Variants in IFT74 observed in about 807,000 individuals in gnomAD.
IFT74 encodes intraflagellar transport 74, also known as intraflagellar transport protein 74 homolog.
A neutral mutation model predicts 96.7 loss-of-function variants in IFT74; 92 were observed. The ratio of observed to expected loss-of-function variants is 0.95; its 90% CI spans 0.80 to 1.13. The LOEUF (loss-of-function observed/expected upper bound fraction) is 1.13, where lower values mean the gene tolerates loss of function less well. Among genes scored for constraint, IFT74 ranks in the 50% most tolerant of loss-of-function variants. The pLI, the probability that IFT74 is intolerant of heterozygous loss-of-function variation, is 0.00. For synonymous variants in IFT74, 223 were observed against 213.2 expected (o/e 1.05, Z -0.40); for missense variants, 811 against 698.2 (o/e 1.16, Z -1.82).
chr9:27,044,655 C>T, intron 13 of IFT74, 87 bp from the exon 14 acceptor site: 1 of 744,402 alleles, frequency 1.3e-6, no homozygotes, highest in Non-Finnish European at 2.3e-6. Context: ...TGACTAATGG[C>T]ATAGAGAGAA....
chr9:26,983,524 G>A (rs568409884), intron 4 of IFT74, among the ~76,000 whole-genome samples: 16 of 152,224 alleles, frequency 1.1e-4, no homozygotes, highest in Admixed American at 7.9e-4. Context: ...ATCCTGCAGT[G>A]TACAAGATAG....
At chr9:26,966,158 G>C (rs947012201) in intron 2 of IFT74, among the ~76,000 whole-genome samples, 1 of 151,832 alleles carries the variant, frequency 6.6e-6, no homozygotes, top group African/African-American at 2.4e-5. Context: ...AGGAATGCAG[G>C]TATCTTTTTG....
upstream of IFT74, among the ~76,000 whole-genome samples, chr9:26,953,659 CTTTTT>C (rs916480424): frequency 4.0e-5 from 6 of 151,370 alleles, no homozygotes; most frequent in East Asian, 1.9e-4. Flanking sequence ...AGTGTCTTTT[CTTTTT>C]TAAGATTCAT....
upstream of IFT74, chr9:26,956,304 C>G (rs781234957): frequency 1.3e-5 from 2 of 152,248 alleles, no homozygotes; most frequent in Non-Finnish European, 2.9e-5. Flanking sequence ...CCTCAATTCT[C>G]GCGAGAGCTC....
At chr9:27,028,994 T>A (rs1165932682) in intron 12 of IFT74, 31 bp from the exon 13 acceptor site, 3 of 1,539,552 alleles carry the variant, frequency 1.9e-6, no homozygotes, top group Non-Finnish European at 2.7e-6. Context: ...CTATATTTCC[T>A]TCATAAATTC....
Position 26,990,124 on chromosome 9 carries a change from C to A in IFT74, c.526-10C>A. On this transcript the variant is annotated splice_polypyrimidine_tract_variant and intron_variant, in intron 7 of 19. Coordinates refer to ENST00000380062, the MANE Select transcript of IFT74 (RefSeq NM_025103.4). ...TATTTCTTACTAACTTATGTGTTAA[C>A]TTTATTCAGCTTAAAGCTCAAAATG... The A allele has an allele frequency of 6.7e-7, 1 of 1,484,118 alleles. No homozygotes were observed. The highest frequency in any genetic ancestry group is 9.0e-7 in the Non-Finnish European group (1 of 1,117,244). The allele number at this position is 1,484,118 out of a possible 1,614,324, so 91.9% of individuals were successfully genotyped here.
chr9:26,999,770 C>CTTTTTT (rs1179000269), intron 8 of IFT74: 49 of 340,158 alleles, frequency 1.4e-4, no homozygotes, highest in African/African-American at 4.8e-4. Context: ...TCTGTTTATT[C>CTTTTTT]TTTTTTTTTT....
rs371004615 is a variant in IFT74 at position 26,978,138 on chromosome 9, G to A, written c.131G>A (p.Gly44Glu). The A allele has an allele frequency of 6.3e-7, 1 of 1,595,190 alleles. No individual in the cohort carries two copies. Among genetic ancestry groups the A allele is most frequent in the Non-Finnish European group, 8.5e-7 (1 of 1,175,710 alleles). ...NIRVATAMPP[G>E]TARPGSRGCP... ...TTGTTTGTCATTTAGATGCCACCTG[G>A]GACAGCAAGACCAGGTTCTCGTGGT... Residue 44 changes from glycine to glutamate, a missense_variant, in exon 3 of 20, where the codon GGG (glycine) becomes GAG (glutamate). By Grantham distance (98) the Gly-to-Glu change is moderately conservative. Transcript: ENST00000380062.
chr9:26,965,812 T>G (rs1413323443), intron 2 of IFT74, among the ~76,000 whole-genome samples: 2 of 152,104 alleles, frequency 1.3e-5, no homozygotes, highest in African/African-American at 4.8e-5. Context: ...ATCTTTAGTG[T>G]CTGTTATCTC....
intron 15 of IFT74, 82 bp downstream of exon 15, chr9:27,047,453 G>A: frequency 2.7e-6 from 2 of 731,708 alleles, no homozygotes; most frequent in Non-Finnish European, 4.6e-6. Flanking sequence ...AAATAGAACG[G>A]CTCACTATTG....
chr9:26,990,009 A>G, intron 7 of IFT74, 125 bp from the exon 8 acceptor site: 3 of 456,206 alleles, frequency 6.6e-6, no homozygotes, highest in East Asian at 7.3e-5. Flanking sequence ...TTCTTCTTAA[A>G]CTTTGTATGT....
intron 6 of IFT74, among the ~76,000 whole-genome samples, chr9:26,986,083 G>C (rs1465485966): frequency 6.6e-6 from 1 of 152,156 alleles, no homozygotes; most frequent in Non-Finnish European, 1.5e-5. Flanking sequence ...TTTAGGAGCA[G>C]TGATGTCTGG....
At chr9:26,952,874 A>G (rs2131456753), upstream of IFT74, among the ~76,000 whole-genome samples, 1 of 152,366 alleles carries the variant, frequency 6.6e-6, no homozygotes, top group East Asian at 1.9e-4. Flanking sequence ...CTGAAAAAAG[A>G]CAGACTAACA....
intron 15 of IFT74, 33 bp from the exon 16 acceptor site, chr9:27,048,114 AT>A (rs772439373): frequency 2.6e-5 from 39 of 1,482,476 alleles, no homozygotes; most frequent in Admixed American, 8.1e-5. Context: ...AAATCAGTGG[AT>A]TTTTTTCTAT....
In IFT74 at chr9:26,979,712, T is replaced by TTA. The variant is rs1218326222; in HGVS notation, c.257-858_257-857insAT. On this transcript the variant is annotated intron_variant, in intron 3 of 19. Coordinates refer to ENST00000380062, the MANE Select transcript of IFT74 (RefSeq NM_025103.4). Reference sequence around the variant, plus strand: ...AACCTAGGAACACTTTCTTTTTTTTTTTTTTTTTTTTTTTTTTTGAGATGG... The same window carrying TTA: ...AACCTAGGAACACTTTCTTTTTTTTTTATTTTTTTTTTTTTTTTTTGAGATGG... Among the ~76,000 whole-genome samples, 753 of 136,734 alleles carry TTA rather than the reference T, an allele frequency of 5.5e-3. 8 individuals are homozygous for TTA. Among genetic ancestry groups the TTA allele is most frequent in the African/African-American group, 0.02 (715 of 35,010 alleles). 89.7% of individuals were successfully genotyped at this position (136,734 alleles called of 152,430 possible). A position where few individuals can be genotyped will look rare whatever the true frequency, so the allele number is the denominator to read the frequency against.
At chr9:26,962,113 T>C in intron 2 of IFT74, 26 bp downstream of exon 2, 1 of 1,613,006 alleles carries the variant, frequency 6.2e-7, no homozygotes, top group Non-Finnish European at 8.5e-7. Context: ...ATCTATTTAC[T>C]TTGGGAGGCC....
rs529798614 is a variant in IFT74 at position 26,996,109 on chromosome 9, G to C, written c.587+5914G>C. 5.9e-5 allele frequency among the ~76,000 whole-genome samples: 9 copies of C among 152,300 alleles called. No homozygotes were observed. The East Asian group carries it at 1.4e-3, about 23-fold the overall frequency. Reference sequence around the variant, plus strand: ...CTAGACTAGTTAAAACAAAGGCTCAGAGAAGTTAAATAATTTGCACGATGG... The same window carrying C: ...CTAGACTAGTTAAAACAAAGGCTCACAGAAGTTAAATAATTTGCACGATGG... On this transcript the variant is annotated intron_variant, in intron 8 of 19. Transcript: ENST00000380062.
intron 12 of IFT74, among the ~76,000 whole-genome samples, chr9:27,019,829 A>G (rs1358680147): frequency 1.3e-5 from 2 of 151,986 alleles, no homozygotes; most frequent in Non-Finnish European, 2.9e-5. Flanking sequence ...ACTATGTTTA[A>G]CTTTTTGAAG....
At chr9:27,043,503 A>G (rs1031848137) in intron 13 of IFT74, among the ~76,000 whole-genome samples, 3 of 152,166 alleles carry the variant, frequency 2.0e-5, no homozygotes, top group African/African-American at 7.2e-5. Context: ...GTGAAATCCT[A>G]TTGTCATAAA....
Sources: gnomAD v4.1 joint callset for allele counts (sites outside exome capture counted in the v4.1 genomes callset) on GRCh38, gnomAD v4.1.1 for gene constraint, MANE v1.5 for transcripts, NCBI Gene and HGNC (gene_info 2026-07-23, HGNC 2026-07-21) for gene names.